DLGAP1: variants seen among roughly 807,000 people sequenced by gnomAD.
DLGAP1 encodes DLG associated protein 1.
In DLGAP1, 11 loss-of-function variants were observed where a neutral mutation model predicts 90.8. The observed-to-expected ratio is 0.12, with a 90% CI of 0.08 to 0.20. The LOEUF is 0.20. DLGAP1 is among the 10% of genes least tolerant of loss of function. The pLI, the probability that DLGAP1 is intolerant of heterozygous loss-of-function variation, is 1.00. For missense variants in DLGAP1, 1,050 were observed against 1,333.8 expected (o/e 0.79, Z 3.31); for synonymous variants, 558 against 540.7 (o/e 1.03, Z -0.44).
At chr18:3,902,175 T>G (rs1243102659) in intron 3 of DLGAP1, among the ~76,000 whole-genome samples, 1 of 152,216 alleles carries the variant, frequency 6.6e-6, no homozygotes, top group African/African-American at 2.4e-5. Context: ...GAACACCCCT[T>G]AACATTTGTT....
At chr18:3,636,383 TTTG>T (rs2058714368) in intron 7 of DLGAP1, among the ~76,000 whole-genome samples, 1 of 151,596 alleles carries the variant, frequency 6.6e-6, no homozygotes, top group African/African-American at 2.4e-5. Flanking sequence ...TTCAATAGAA[TTTG>T]TTTTCAATTA....
At chr18:3,778,900 C>T (rs558554459) in intron 5 of DLGAP1, among the ~76,000 whole-genome samples, 2 of 152,158 alleles carry the variant, frequency 1.3e-5, no homozygotes, top group Non-Finnish European at 2.9e-5. Flanking sequence ...GCCAGTCCTG[C>T]AGCCTTGTAA....
chr18:4,181,244 C>T (rs2077203126), intron 1 of DLGAP1, among the ~76,000 whole-genome samples: 1 of 152,130 alleles, frequency 6.6e-6, no homozygotes, highest in South Asian at 2.1e-4. Context: ...GTGATGAACT[C>T]ATTTCTTGGC....
intron 1 of DLGAP1, among the ~76,000 whole-genome samples, chr18:4,223,035 CT>C (rs1170837264): frequency 1.3e-5 from 2 of 152,078 alleles, no homozygotes; most frequent in African/African-American, 4.8e-5. Context: ...ACGAGAAGCA[CT>C]TATGTCCAGG....
intron 2 of DLGAP1, among the ~76,000 whole-genome samples, chr18:4,150,218 A>G (rs1310255998): frequency 1.3e-5 from 2 of 152,194 alleles, no homozygotes; most frequent in South Asian, 2.1e-4. Context: ...GCAGACAAAG[A>G]CAATAGCTTA....
intron 3 of DLGAP1, among the ~76,000 whole-genome samples, chr18:4,001,285 T>C (rs1418136926): frequency 6.6e-6 from 1 of 152,122 alleles, no homozygotes; most frequent in African/African-American, 2.4e-5. Flanking sequence ...TTAGCTTCTT[T>C]TTGAGTTCTT....
Position 4,250,501 on chromosome 18 carries a change from G to A in DLGAP1, c.-266-99214C>T, listed in dbSNP as rs1049677859. Among the ~76,000 whole-genome samples the A allele has an allele frequency of 5.3e-5, 8 of 152,214 alleles. No homozygotes were observed. In the East Asian group the frequency reaches 9.7e-4, roughly 18 times the overall value. On this transcript the variant is annotated intron_variant, in intron 1 of 12. Coordinates refer to ENST00000315677, the MANE Select transcript of DLGAP1 (RefSeq NM_004746.4). ...TTATTTTGCTACCATTTTATACCTC[G>A]TGTTTCATTAAGTTCCTGAGGAGCT... is the stretch of plus-strand genomic sequence containing the variant.
At chr18:4,227,095 T>C (rs756529419) in intron 1 of DLGAP1, among the ~76,000 whole-genome samples, 11 of 151,656 alleles carry the variant, frequency 7.3e-5, no homozygotes, top group African/African-American at 2.7e-4. Flanking sequence ...ACAAAAACTA[T>C]AAAAAAGAGA....
At chr18:3,886,038 T>C (rs1041539470) in intron 3 of DLGAP1, among the ~76,000 whole-genome samples, 5 of 152,236 alleles carry the variant, frequency 3.3e-5, no homozygotes, top group Non-Finnish European at 7.3e-5. Context: ...TTTTTGTGCA[T>C]GTCTTTATTT....
rs1375829645 is a variant in DLGAP1 at position 4,342,114 on chromosome 18, T to C, written c.-267+112892A>G. On this transcript the variant is annotated intron_variant, in intron 1 of 12. Transcript: ENST00000315677. This position sits in a 1 kb window ranked among gnomAD's most constrained non-coding sequence, Gnocchi z 5.8. ...AATGTTCCTTCCCTTCCCAAATCCA[T>C]AGAATTTTAAAAGACACAAGATTCA... Among the ~76,000 whole-genome samples, 1 of 152,032 alleles carries C rather than the reference T, an allele frequency of 6.6e-6. No individual in the cohort carries two copies. Among genetic ancestry groups the C allele is most frequent in the African/African-American group, 2.4e-5 (1 of 41,380 alleles).
chr18:4,434,938 G>A lies in DLGAP1; in HGVS notation c.-267+20068C>T, dbSNP rs142456886. The stretch of plus-strand genomic sequence containing the variant: ...GCATAAAACCTCATGATGTAGAGGA[G>A]TATTAAGAGTTAAGGCTGGAAAATT... On this transcript the variant is annotated intron_variant, in intron 1 of 12. Coordinates refer to ENST00000315677, the MANE Select transcript of DLGAP1 (RefSeq NM_004746.4). Among the ~76,000 whole-genome samples, 64 of 152,310 alleles carry A rather than the reference G, an allele frequency of 4.2e-4. 1 individual carries two copies. In the East Asian group the frequency reaches 0.011, roughly 25 times the overall value.
intron 2 of DLGAP1, among the ~76,000 whole-genome samples, chr18:4,033,853 C>T (rs548957612): frequency 6.6e-6 from 1 of 151,314 alleles, no homozygotes; most frequent in Non-Finnish European, 1.5e-5. Context: ...GATTCTCTGC[C>T]TCAGCCTCCC....
intron 3 of DLGAP1, among the ~76,000 whole-genome samples, chr18:3,906,734 G>A (rs1441062074): frequency 6.6e-6 from 1 of 152,108 alleles, no homozygotes; most frequent in African/African-American, 2.4e-5. Flanking sequence ...TTGGAAAAAT[G>A]GTGAAAATTT....
intron 7 of DLGAP1, among the ~76,000 whole-genome samples, chr18:3,699,668 C>T (rs1024634613): frequency 2.0e-5 from 3 of 152,188 alleles, no homozygotes; most frequent in African/African-American, 4.8e-5. Flanking sequence ...GAGCACTGTG[C>T]TGGGAGATCC....
At chr18:4,105,170 A>C (rs1343115564) in intron 2 of DLGAP1, among the ~76,000 whole-genome samples, 3 of 152,118 alleles carry the variant, frequency 2.0e-5, no homozygotes, top group African/African-American at 7.2e-5. Context: ...CTTTAGTGAG[A>C]TGTGTACCGA....
At chr18:3,850,633 T>C (rs1038035040) in intron 4 of DLGAP1, among the ~76,000 whole-genome samples, 1 of 152,086 alleles carries the variant, frequency 6.6e-6, no homozygotes, top group African/African-American at 2.4e-5. Context: ...ACACTGAAGA[T>C]AGACAAGACT....
At chr18:4,073,077 C>A (rs1156259397) in intron 2 of DLGAP1, among the ~76,000 whole-genome samples, 1 of 152,126 alleles carries the variant, frequency 6.6e-6, no homozygotes, top group Non-Finnish European at 1.5e-5. Context: ...GGCACATAAT[C>A]ATGGACACAC....
At chr18:3,971,477 T>C (rs2073447874) in intron 3 of DLGAP1, among the ~76,000 whole-genome samples, 2 of 152,240 alleles carry the variant, frequency 1.3e-5, no homozygotes, top group East Asian at 3.9e-4. Context: ...TGTGCATGTA[T>C]ACCTGAAACA....
At chr18:3,898,051 C>T (rs2071691511) in intron 3 of DLGAP1, among the ~76,000 whole-genome samples, 1 of 152,160 alleles carries the variant, frequency 6.6e-6, no homozygotes, top group African/African-American at 2.4e-5. Context: ...GCCTTGGCCT[C>T]CCAAAGTGCT....
Sources: gnomAD v4.1 joint callset for allele counts (sites outside exome capture counted in the v4.1 genomes callset) on GRCh38, gnomAD v4.1.1 for gene constraint, Gnocchi (gnomAD v3.1) non-coding constraint, MANE v1.5 for transcripts, NCBI Gene and HGNC (gene_info 2026-07-23, HGNC 2026-07-21) for gene names.